Variants in SPATS2L observed in about 807,000 individuals in gnomAD.
SPATS2L encodes SPATS2-like protein.
Under a neutral mutation model 59.6 loss-of-function variants are expected in SPATS2L, and 30 were observed. The ratio of observed to expected loss-of-function variants is 0.50; its 90% CI spans 0.38 to 0.68. The LOEUF is 0.68. Among genes scored for constraint, SPATS2L ranks in the 30% least tolerant of loss-of-function variants. The pLI, the probability that SPATS2L is intolerant of heterozygous loss-of-function variation, is 0.00. For synonymous variants in SPATS2L, 252 were observed against 263.5 expected (o/e 0.96, Z 0.42); for missense variants, 615 against 700.0 (o/e 0.88, Z 1.37).
At chr2:200,395,808 C>T (rs1057124379) in intron 3 of SPATS2L, among the ~76,000 whole-genome samples, 4 of 151,348 alleles carry the variant, frequency 2.6e-5, no homozygotes, top group East Asian at 1.9e-4. Context: ...GTTAGGAGAT[C>T]GAGACCAGCC....
chr2:200,440,788 A>G lies in SPATS2L; in HGVS notation c.788+4A>G. On this transcript the variant is annotated splice_donor_region_variant and intron_variant, in intron 8 of 12. Coordinates refer to ENST00000409140, the MANE Select transcript of SPATS2L (RefSeq NM_001100423.2). ...CCTTTGCTGAATTACACAACTGGTG[A>G]GTGATTCAACGTAGGAACCATAAAT... 1.2e-6 allele frequency: 2 copies of G among 1,612,968 alleles called. No homozygotes were observed.
In SPATS2L at chr2:200,481,532, A is replaced by G. The variant is rs2087774281; in HGVS notation, c.*3501A>G. ...CCTGAATTTCAGGCTACCTTTGACA[A>G]AGCTTTCTTCCTCCCTCCCTCCCTT... On this transcript the variant is annotated 3_prime_UTR_variant, in exon 13 of 13. Coordinates refer to ENST00000409140, the MANE Select transcript of SPATS2L (RefSeq NM_001100423.2). 1 of 152,186 alleles carries G rather than the reference A, an allele frequency of 6.6e-6. No individual in the cohort carries two copies. Among genetic ancestry groups the G allele is most frequent in the Admixed American group, 6.5e-5 (1 of 15,280 alleles). The allele number at this position is 152,186 out of a possible 1,614,324, so 9.4% of individuals were successfully genotyped here.
chr2:200,400,702 A>C (rs1474574062), intron 3 of SPATS2L, among the ~76,000 whole-genome samples: 2 of 152,194 alleles, frequency 1.3e-5, no homozygotes, highest in African/African-American at 2.4e-5. Flanking sequence ...AGAGAAGTCC[A>C]TTTGAATATC....
intron 2 of SPATS2L, among the ~76,000 whole-genome samples, chr2:200,367,900 T>C (rs1262461091): frequency 1.3e-5 from 2 of 152,248 alleles, no homozygotes; most frequent in African/African-American, 2.4e-5. Flanking sequence ...ATAAACAATG[T>C]AGTATTTTGT....
intron 2 of SPATS2L, among the ~76,000 whole-genome samples, chr2:200,386,132 T>C (rs186566005): frequency 3.4e-3 from 513 of 152,330 alleles, no homozygotes; most frequent in African/African-American, 0.012. Context: ...TTTACTGTGA[T>C]GTGGAGAGGG....
chr2:200,367,516 A>T (rs564188135), intron 2 of SPATS2L, among the ~76,000 whole-genome samples: 15 of 152,352 alleles, frequency 9.8e-5, no homozygotes, highest in African/African-American at 3.4e-4. Context: ...AGAAGCCTAG[A>T]TGAAAATCTA....
intron 1 of SPATS2L, among the ~76,000 whole-genome samples, chr2:200,308,450 T>C (rs2079096425): frequency 6.6e-6 from 1 of 152,194 alleles, no homozygotes; most frequent in Non-Finnish European, 1.5e-5. Flanking sequence ...AAAATCAACT[T>C]TGGGAATGGG....
chr2:200,333,748 T>C (rs4673944), intron 2 of SPATS2L, among the ~76,000 whole-genome samples: 77,375 of 151,706 alleles, frequency 0.51, 21,038 homozygotes, highest in East Asian at 0.77. Flanking sequence ...TGAGAACATG[T>C]AGTGTTTGGT....
intron 2 of SPATS2L, among the ~76,000 whole-genome samples, chr2:200,385,384 A>C (rs2081959069): frequency 6.6e-6 from 1 of 152,242 alleles, no homozygotes; most frequent in African/African-American, 2.4e-5. Flanking sequence ...AACAATTAAG[A>C]TTTAGATGAA....
intron 6 of SPATS2L, among the ~76,000 whole-genome samples, chr2:200,431,367 A>G (rs201918735): frequency 5.9e-5 from 9 of 152,216 alleles, no homozygotes; most frequent in Non-Finnish European, 7.4e-5. Context: ...TCACATTCAC[A>G]TAAGTACTTT....
chr2:200,338,212 A>G (rs1476799949), intron 2 of SPATS2L, among the ~76,000 whole-genome samples: 1 of 152,112 alleles, frequency 6.6e-6, no homozygotes, highest in Non-Finnish European at 1.5e-5. Flanking sequence ...TTTTATAGAA[A>G]TGGGATTTCA....
At chr2:200,309,235 AT>A (rs2079121558) in intron 1 of SPATS2L, 1 of 690,140 alleles carries the variant, frequency 1.4e-6, no homozygotes, top group Admixed American at 2.1e-5. Flanking sequence ...TTGAAAGGGC[AT>A]AGGTGGTCTT....
chr2:200,329,506 C>T, intron 2 of SPATS2L, 26 bp downstream of exon 2: 1 of 1,541,118 alleles, frequency 6.5e-7, no homozygotes, highest in Admixed American at 2.0e-5. Flanking sequence ...CCTTCCCTCT[C>T]TGTGACCTCC....
chr2:200,389,157 G>C, intron 2 of SPATS2L, 66 bp from the exon 3 acceptor site: 1 of 973,558 alleles, frequency 1.0e-6, no homozygotes, highest in Non-Finnish European at 1.6e-6. Flanking sequence ...TGTGTTGGAA[G>C]AGAGTGTAAA....
intron 6 of SPATS2L, among the ~76,000 whole-genome samples, chr2:200,420,549 A>G (rs1359544774): frequency 1.3e-5 from 2 of 152,192 alleles, no homozygotes; most frequent in East Asian, 3.8e-4. Flanking sequence ...CTGTGAATGC[A>G]CCTGCTACAA....
chr2:200,477,868 C>G lies in SPATS2L; in HGVS notation c.1514C>G (p.Ser505Cys). The change falls in exon 13 of 13, where the codon TCT becomes TGT. Residue 505 changes from serine (S) to cysteine (C), a missense_variant. Around this residue, in one of 3 missense-constraint regions of SPATS2L, gnomAD observed 284 missense variants for 280.1 expected, o/e 1.01. Coordinates refer to ENST00000409140, the MANE Select transcript of SPATS2L (RefSeq NM_001100423.2). Reference protein sequence around the residue: ...GMKTPEAPAHSEKPRRRQHAA... With the variant: ...GMKTPEAPAHCEKPRRRQHAA... ...AAGACCCCCGAGGCCCCGGCCCATT[C>G]TGAAAAGCCCCGGCGAAGGCAGCAC... 2 of 1,602,660 alleles carry G rather than the reference C, an allele frequency of 1.2e-6. No homozygotes were observed. Among genetic ancestry groups the G allele is most frequent in the Non-Finnish European group, 1.7e-6 (2 of 1,174,550 alleles).
intron 1 of SPATS2L, among the ~76,000 whole-genome samples, chr2:200,319,744 T>G (rs1029217051): frequency 2.0e-5 from 3 of 152,164 alleles, no homozygotes; most frequent in South Asian, 4.2e-4. Context: ...CATTGTTTGT[T>G]CACATACGAA....
chr2:200,442,620 G>C (rs769008647), intron 8 of SPATS2L, among the ~76,000 whole-genome samples: 3 of 152,184 alleles, frequency 2.0e-5, no homozygotes, highest in South Asian at 4.1e-4. Context: ...TTCCATCTGA[G>C]TGACTCATAT....
intron 6 of SPATS2L, among the ~76,000 whole-genome samples, chr2:200,428,349 C>T (rs2083707355): frequency 6.6e-6 from 1 of 152,212 alleles, no homozygotes; most frequent in Non-Finnish European, 1.5e-5. Flanking sequence ...ACCACCCTAT[C>T]CTTAACTCTA....
Sources: allele counts gnomAD v4.1 joint callset (sites outside exome capture counted in the v4.1 genomes callset), GRCh38; gene constraint gnomAD v4.1.1; regional missense constraint gnomAD v4.1.1; transcripts MANE v1.5; gene names NCBI Gene and HGNC (gene_info 2026-07-23, HGNC 2026-07-21).